Variants in CACNA2D3 observed in about 807,000 individuals in gnomAD.
CACNA2D3 encodes calcium voltage-gated channel auxiliary subunit alpha2delta 3, also known as voltage-dependent calcium channel subunit alpha-2/delta-3.
Under a neutral mutation model 160.6 loss-of-function variants are expected in CACNA2D3, and 60 were observed. The observed-to-expected ratio is 0.37, with a 90% CI of 0.30 to 0.46. CACNA2D3 has a LOEUF of 0.46. CACNA2D3 is among the 20% of genes least tolerant of loss of function. CACNA2D3 has a pLI of 1.00. For synonymous variants in CACNA2D3, 558 were observed against 492.9 expected, an observed-to-expected ratio of 1.13 and a Z score of -1.75; for missense variants, 1,205 against 1,365.0, an observed-to-expected ratio of 0.88 and a Z score of 1.85.
At chr3:54,256,077 G>T (rs138570322) in intron 2 of CACNA2D3, among the ~76,000 whole-genome samples, 11 of 152,274 alleles carry the variant, frequency 7.2e-5, no homozygotes, top group African/African-American at 2.6e-4. Flanking sequence ...ATGAACCACT[G>T]GGCTATAGCC....
At chr3:54,751,982 G>C (rs1701865359) in intron 11 of CACNA2D3, among the ~76,000 whole-genome samples, 1 of 152,188 alleles carries the variant, frequency 6.6e-6, no homozygotes, top group African/African-American at 2.4e-5. Flanking sequence ...TGAGAAACCA[G>C]TAGAAAATAA....
chr3:54,701,421 A>C (rs980342128), intron 11 of CACNA2D3, among the ~76,000 whole-genome samples: 2 of 152,202 alleles, frequency 1.3e-5, no homozygotes, highest in African/African-American at 2.4e-5. Flanking sequence ...TATATCTAAT[A>C]TATCTAGCTC....
chr3:54,939,872 TGCTTTAGA>T (rs1701422441), intron 27 of CACNA2D3, among the ~76,000 whole-genome samples: 1 of 152,204 alleles, frequency 6.6e-6, no homozygotes, highest in South Asian at 2.1e-4. Flanking sequence ...TGGCCATGCT[TGCTTTAGA>T]GCATCCAGAG....
At chr3:54,372,991 C>T (rs1191057591) in intron 3 of CACNA2D3, among the ~76,000 whole-genome samples, 1 of 152,212 alleles carries the variant, frequency 6.6e-6, no homozygotes, top group Admixed American at 6.5e-5. Context: ...ACCCAGCCCC[C>T]TGGGACTCAG....
chr3:54,383,717 G>T (rs1478523535), intron 3 of CACNA2D3, among the ~76,000 whole-genome samples: 1 of 152,054 alleles, frequency 6.6e-6, no homozygotes, highest in Admixed American at 6.6e-5. Context: ...AAAGGCAGGA[G>T]GCAAATTTAA....
intron 31 of CACNA2D3, among the ~76,000 whole-genome samples, chr3:54,990,982 A>G (rs1306192818): frequency 1.3e-5 from 2 of 152,292 alleles, no homozygotes. Context: ...GCCAGCTTAC[A>G]TATGACCTAG....
At chr3:54,784,898 A>AT (rs1257441831) in intron 13 of CACNA2D3, among the ~76,000 whole-genome samples, 1 of 152,158 alleles carries the variant, frequency 6.6e-6, no homozygotes, top group Non-Finnish European at 1.5e-5. Flanking sequence ...AGTCCACCAC[A>AT]TTTTCACAAA....
At chr3:54,388,557 A>G (rs1559467980) in intron 4 of CACNA2D3, among the ~76,000 whole-genome samples, 1 of 152,250 alleles carries the variant, frequency 6.6e-6, no homozygotes, top group Non-Finnish European at 1.5e-5. Context: ...ATGGTTGGAA[A>G]CATTGGAAGA....
At chr3:54,681,519 T>C (rs935646734) in intron 11 of CACNA2D3, among the ~76,000 whole-genome samples, 19 of 142,476 alleles carry the variant, frequency 1.3e-4, no homozygotes, top group Non-Finnish European at 1.2e-4. Context: ...TCGCATTCAC[T>C]GCACTCCAGC....
At chr3:54,194,092 G>A (rs1397130543) in intron 2 of CACNA2D3, among the ~76,000 whole-genome samples, 1 of 151,964 alleles carries the variant, frequency 6.6e-6, no homozygotes. Flanking sequence ...AGTGGTGGTG[G>A]GGGATAAAGA....
chr3:54,865,953 C>CT (rs1559609337), intron 17 of CACNA2D3, among the ~76,000 whole-genome samples: 1 of 151,940 alleles, frequency 6.6e-6, no homozygotes, highest in African/African-American at 2.4e-5. Context: ...ACGTGCACAC[C>CT]TAGCCCCAGA....
At chr3:54,251,185 A>C (rs12374179) in intron 2 of CACNA2D3, among the ~76,000 whole-genome samples, 60,883 of 151,766 alleles carry the variant, frequency 0.4, 12,308 homozygotes, top group Middle Eastern at 0.41. Context: ...ATCTTGCTCC[A>C]GTGTTTTGAA....
chr3:54,743,898 T>C (rs933466662), intron 11 of CACNA2D3, among the ~76,000 whole-genome samples: 3 of 152,202 alleles, frequency 2.0e-5, no homozygotes, highest in Non-Finnish European at 4.4e-5. Context: ...AGGGGTTTTA[T>C]GGTATTGGCC....
At position 54,703,436 on chromosome 3, in the gene CACNA2D3, A is replaced by G. The variant is rs149472823; in HGVS notation, c.1168-49163A>G. 9.2e-5 allele frequency among the ~76,000 whole-genome samples: 14 copies of G among 152,150 alleles called. No individual in the cohort carries two copies. In the East Asian group the frequency reaches 2.7e-3, roughly 29 times the overall value. On this transcript the variant is annotated intron_variant, in intron 11 of 37. Transcript: ENST00000474759. ...TTTCTAGATTCTTGGGTGGTATTAC[A>G]TTTTTTTAAGGATAACTAGTGTCCC... is the stretch of plus-strand genomic sequence containing the variant.
chr3:55,028,659 A>C (rs1384528680), intron 35 of CACNA2D3, among the ~76,000 whole-genome samples: 1 of 151,604 alleles, frequency 6.6e-6, no homozygotes, highest in Non-Finnish European at 1.5e-5. Flanking sequence ...AAGAAAAATA[A>C]TTAATCAAAA....
At chr3:54,141,052 A>T (rs1699916692) in intron 2 of CACNA2D3, among the ~76,000 whole-genome samples, 2 of 78,284 alleles carry the variant, frequency 2.6e-5, no homozygotes, top group Admixed American at 1.2e-4. Flanking sequence ...TCTGATCTGC[A>T]GGTGAAACCT....
At chr3:54,769,810 A>G (rs945301609) in intron 13 of CACNA2D3, among the ~76,000 whole-genome samples, 1 of 152,184 alleles carries the variant, frequency 6.6e-6, no homozygotes, top group Non-Finnish European at 1.5e-5. Flanking sequence ...GTAGTTAAGT[A>G]TGATGAGTAT....
intron 2 of CACNA2D3, among the ~76,000 whole-genome samples, chr3:54,301,620 G>A (rs1703478271): frequency 6.6e-6 from 1 of 152,144 alleles, no homozygotes; most frequent in Non-Finnish European, 1.5e-5. Context: ...CAAAGAAAAT[G>A]TAGTTATCCT....
intron 27 of CACNA2D3, among the ~76,000 whole-genome samples, chr3:54,926,544 A>G (rs1701026722): frequency 2.4e-5 from 3 of 122,934 alleles, no homozygotes; most frequent in South Asian, 4.9e-4. Context: ...ACACACACAC[A>G]CACACACACT....
Sources: gnomAD v4.1 joint callset for allele counts (sites outside exome capture counted in the v4.1 genomes callset) on GRCh38, gnomAD v4.1.1 for gene constraint, MANE v1.5 for transcripts, NCBI Gene and HGNC (gene_info 2026-07-23, HGNC 2026-07-21) for gene names.